Variants in SYNJ2 observed in about 807,000 individuals in gnomAD.
The protein encoded by SYNJ2 is synaptojanin 2.
SYNJ2 carries 116 observed loss-of-function variants against 141.3 expected under a neutral mutation model. That is an observed-to-expected ratio of 0.82 (90% CI 0.71 to 0.96). The LOEUF is 0.96. SYNJ2 is among the 40% of genes least tolerant of loss of function. The pLI is 0.00. For synonymous variants in SYNJ2, 745 were observed against 777.7 expected (o/e 0.96, Z 0.70); for missense variants, 1,873 against 1,934.8 (o/e 0.97, Z 0.60).
intron 1 of SYNJ2, among the ~76,000 whole-genome samples, chr6:157,988,377 G>A (rs182864219): frequency 7.2e-4 from 109 of 152,308 alleles, no homozygotes; most frequent in African/African-American, 2.5e-3. Context: ...CATACTTTTC[G>A]AGGTAGGAGG....
At chr6:158,063,207 G>T (rs1005703967) in intron 8 of SYNJ2, among the ~76,000 whole-genome samples, 2 of 152,146 alleles carry the variant, frequency 1.3e-5, no homozygotes, top group African/African-American at 4.8e-5. Context: ...CAACTTTATA[G>T]AACATAATTG....
chr6:158,061,852 T>G, intron 7 of SYNJ2, 140 bp from the exon 8 acceptor site: 1 of 840,540 alleles, frequency 1.2e-6, no homozygotes. Flanking sequence ...AACTGCCTGG[T>G]CCACTGTGAG....
chr6:157,983,455 T>C (rs1013096427), intron 1 of SYNJ2, among the ~76,000 whole-genome samples: 3 of 152,234 alleles, frequency 2.0e-5, no homozygotes, highest in African/African-American at 7.2e-5. Flanking sequence ...ATACCACATT[T>C]ATCGGAAGCG....
intron 26 of SYNJ2, among the ~76,000 whole-genome samples, chr6:158,093,457 A>AAAAAAAAAC (rs1562413611): frequency 6.6e-6 from 1 of 151,324 alleles, no homozygotes; most frequent in African/African-American, 2.5e-5. Flanking sequence ...AAACAAAAAA[A>AAAAAAAAAC]AAAAAACAGA....
At chr6:158,022,667 T>TGA (rs1778838536) in intron 2 of SYNJ2, among the ~76,000 whole-genome samples, 1 of 152,216 alleles carries the variant, frequency 6.6e-6, no homozygotes, top group Non-Finnish European at 1.5e-5. Context: ...CCCACTCTTC[T>TGA]GAGTTTTGTT....
At chr6:158,026,788 G>A (rs1359890850) in intron 2 of SYNJ2, 12 of 980,260 alleles carry the variant, frequency 1.2e-5, no homozygotes, top group African/African-American at 1.8e-5. Flanking sequence ...CTCTCCGAGG[G>A]CACTTCTGCT....
chr6:157,992,401 C>CTTTTTTT (rs57905567), intron 1 of SYNJ2, among the ~76,000 whole-genome samples: 51 of 120,070 alleles, frequency 4.2e-4, no homozygotes, highest in Non-Finnish European at 7.7e-4. Flanking sequence ...TGGCTTGTTT[C>CTTTTTTT]TTTTTTTTTT....
At chr6:158,059,395 G>T in intron 7 of SYNJ2, 42 bp downstream of exon 7, 2 of 1,545,364 alleles carry the variant, frequency 1.3e-6, no homozygotes, top group Non-Finnish European at 1.7e-6. Flanking sequence ...CTGGGCGGCA[G>T]GTGGCCATGG....
At chr6:158,002,141 C>T (rs1468576737) in intron 1 of SYNJ2, 1 of 152,366 alleles carries the variant, frequency 6.6e-6, no homozygotes, top group African/African-American at 2.4e-5. Context: ...CTGTTCTCAT[C>T]ATATTGCTTC....
At chr6:158,030,513 C>T (rs1241202964) in intron 3 of SYNJ2, 1 of 152,692 alleles carries the variant, frequency 6.5e-6, no homozygotes, top group African/African-American at 2.4e-5. Flanking sequence ...CTGTGTCCAT[C>T]CCAACGCTCC....
intron 20 of SYNJ2, among the ~76,000 whole-genome samples, chr6:158,082,304 T>G (rs1008635290): frequency 6.6e-6 from 1 of 151,824 alleles, no homozygotes; most frequent in Non-Finnish European, 1.5e-5. Context: ...CTGGCCAACA[T>G]AGTGAAACCC....
chr6:157,983,507 AGATT>A (rs1777086886), intron 1 of SYNJ2, among the ~76,000 whole-genome samples: 1 of 152,280 alleles, frequency 6.6e-6, no homozygotes, highest in Non-Finnish European at 1.5e-5. Context: ...TTCATCAAAT[AGATT>A]AAGATGTCCT....
chr6:158,032,798 T>C (rs971329855), intron 3 of SYNJ2, among the ~76,000 whole-genome samples: 1 of 152,230 alleles, frequency 6.6e-6, no homozygotes, highest in Non-Finnish European at 1.5e-5. Flanking sequence ...AAATGTTGGC[T>C]GTCACCCTGT....
chr6:158,056,787 C>A (rs905522508), intron 6 of SYNJ2, among the ~76,000 whole-genome samples: 1 of 152,230 alleles, frequency 6.6e-6, no homozygotes, highest in Non-Finnish European at 1.5e-5. Context: ...CTTTCCCCCG[C>A]AAAACCTTCA....
At chr6:157,989,731 C>T (rs1407735510) in intron 1 of SYNJ2, among the ~76,000 whole-genome samples, 10 of 152,078 alleles carry the variant, frequency 6.6e-5, no homozygotes, top group Non-Finnish European at 1.2e-4. Flanking sequence ...GGAAAGCGCC[C>T]CCCAGTGCAA....
In SYNJ2 at chr6:158,098,276, CTCTT is replaced by C. The variant is rs1783889773; in HGVS notation, c.*1913_*1916del. 1.3e-5 allele frequency: 2 copies of C among 152,174 alleles called. No individual in the cohort carries two copies. The highest frequency in any genetic ancestry group is 4.8e-5 in the African/African-American group (2 of 41,450). 9.4% of individuals were successfully genotyped at this position (152,174 alleles called of 1,614,324 possible). A position where few individuals can be genotyped will look rare whatever the true frequency, so the allele number is the denominator to read the frequency against. ...GAAATAGATCTCATTTTTAGGTTTTCTCTTCGTTCCAGATACCAAATAAATGGGA... is the reference window on the plus strand; with the variant it reads ...GAAATAGATCTCATTTTTAGGTTTTCCGTTCCAGATACCAAATAAATGGGA... On this transcript the variant is annotated 3_prime_UTR_variant, in exon 27 of 27. Coordinates refer to ENST00000355585, the MANE Select transcript of SYNJ2 (RefSeq NM_003898.4).
intron 1 of SYNJ2, among the ~76,000 whole-genome samples, chr6:157,994,986 C>T (rs1220737850): frequency 6.6e-6 from 1 of 152,210 alleles, no homozygotes; most frequent in African/African-American, 2.4e-5. Context: ...GGGGCACTTC[C>T]TTCTAATTCA....
At chr6:157,997,942 G>T (rs185991159) in intron 1 of SYNJ2, among the ~76,000 whole-genome samples, 103 of 152,372 alleles carry the variant, frequency 6.8e-4, no homozygotes, top group African/African-American at 2.4e-3. Flanking sequence ...TAAAGGTGAT[G>T]ACTTCAGTCG....
intron 1 of SYNJ2, among the ~76,000 whole-genome samples, chr6:158,000,681 G>A (rs1044440846): frequency 6.6e-6 from 1 of 151,936 alleles, no homozygotes; most frequent in African/African-American, 2.4e-5. Flanking sequence ...TTCTGGAACT[G>A]TCTTCAGTAA....
Sources: allele counts gnomAD v4.1 joint callset (sites outside exome capture counted in the v4.1 genomes callset), GRCh38; gene constraint gnomAD v4.1.1; transcripts MANE v1.5; gene names NCBI Gene and HGNC (gene_info 2026-07-23, HGNC 2026-07-21).